Variants in FOCAD observed in about 807,000 individuals in gnomAD.
FOCAD encodes focadhesin.
A neutral mutation model predicts 225.6 loss-of-function variants in FOCAD; 198 were observed. The ratio of observed to expected loss-of-function variants is 0.88; its 90% confidence interval spans 0.78 to 0.99. The LOEUF (loss-of-function observed/expected upper bound fraction) is 0.99. Ranked by LOEUF, FOCAD falls within the 50% of genes least tolerant of loss-of-function variation. The pLI is 0.00. For synonymous variants in FOCAD, 897 were observed against 755.0 expected (o/e 1.19, Z -3.08); for missense variants, 2,713 against 2,123.6 (o/e 1.28, Z -5.46).
intron 15 of FOCAD, among the ~76,000 whole-genome samples, chr9:20,842,353 C>G (rs541383471): frequency 6.6e-6 from 1 of 151,904 alleles, no homozygotes; most frequent in South Asian, 2.1e-4. Flanking sequence ...ATGTCTGCAG[C>G]TATTATTGTC....
At chr9:20,964,458 T>C (rs988052051) in intron 35 of FOCAD, among the ~76,000 whole-genome samples, 4 of 152,128 alleles carry the variant, frequency 2.6e-5, no homozygotes, top group African/African-American at 9.7e-5. Flanking sequence ...GAACTCCCAG[T>C]ATTACATCTC....
At chr9:20,906,857 T>A (rs1390855256) in intron 21 of FOCAD, among the ~76,000 whole-genome samples, 1 of 152,092 alleles carries the variant, frequency 6.6e-6, no homozygotes, top group Non-Finnish European at 1.5e-5. Flanking sequence ...TCCCCCTAAT[T>A]TTCGAGGGTT....
chr9:20,725,193 A>T (rs947393837), intron 4 of FOCAD, among the ~76,000 whole-genome samples: 1 of 152,104 alleles, frequency 6.6e-6, no homozygotes, highest in African/African-American at 2.4e-5. Context: ...CACTCAATCA[A>T]TCAGTAAAAT....
intron 1 of FOCAD, among the ~76,000 whole-genome samples, chr9:20,694,970 G>A (rs1327550430): frequency 6.6e-6 from 1 of 152,106 alleles, no homozygotes; most frequent in Admixed American, 6.5e-5. Flanking sequence ...TGGTTACTAT[G>A]TCTGTTTAGT....
chr9:20,812,941 A>G (rs187171489), intron 11 of FOCAD, among the ~76,000 whole-genome samples: 1 of 152,046 alleles, frequency 6.6e-6, no homozygotes, highest in Non-Finnish European at 1.5e-5. Flanking sequence ...TAAGTATATG[A>G]ATATTTTTGT....
At chr9:20,740,025 TTGG>T (rs1827479132) in intron 4 of FOCAD, among the ~76,000 whole-genome samples, 2 of 152,156 alleles carry the variant, frequency 1.3e-5, no homozygotes, top group Admixed American at 1.3e-4. Flanking sequence ...GATTGATAAG[TTGG>T]TGGTTTGATT....
In FOCAD at chr9:20,924,721, T is replaced by G. The variant is rs74885064; in HGVS notation, c.2961+953T>G. Among the ~76,000 whole-genome samples the G allele has an allele frequency of 9.7e-4, 147 of 152,206 alleles. 1 individual carries two copies. The East Asian group carries it at 0.026, about 27-fold the overall frequency. The stretch of plus-strand genomic sequence containing the variant: ...ATTTAAACCAAAAAGGAACAGGAAG[T>G]ATATGGAATCTAGAAGCCCGTGGAA... On this transcript the variant is annotated intron_variant, in intron 25 of 43. Transcript: ENST00000338382.
At chr9:20,714,281 T>G (rs1208410200) in intron 1 of FOCAD, among the ~76,000 whole-genome samples, 2 of 152,212 alleles carry the variant, frequency 1.3e-5, no homozygotes, top group African/African-American at 2.4e-5. Context: ...TGTAACATTT[T>G]GAATTTTGTA....
chr9:20,685,196 A>ATTT (rs397959541), intron 1 of FOCAD, among the ~76,000 whole-genome samples: 3 of 143,116 alleles, frequency 2.1e-5, no homozygotes, highest in African/African-American at 7.9e-5. Flanking sequence ...TGAGTTGGAA[A>ATTT]TTTTTTTTTT....
chr9:20,729,621 A>G (rs1360373538), intron 4 of FOCAD, among the ~76,000 whole-genome samples: 1 of 152,170 alleles, frequency 6.6e-6, no homozygotes, highest in African/African-American at 2.4e-5. Flanking sequence ...AGGATCACTT[A>G]TACAGTAACC....
intron 42 of FOCAD, among the ~76,000 whole-genome samples, chr9:20,992,064 C>A (rs192542136): frequency 1.1e-4 from 17 of 152,278 alleles, no homozygotes; most frequent in Non-Finnish European, 1.6e-4. Context: ...TTTACTCTTT[C>A]TTCAATCTAG....
Position 20,744,701 on chromosome 9 carries a change from G to A in FOCAD, c.392+4361G>A, listed in dbSNP as rs139244552. Among the ~76,000 whole-genome samples, 1,076 of 152,248 alleles carry A rather than the reference G, an allele frequency of 7.1e-3. 10 individuals are homozygous for A. Among genetic ancestry groups the A allele is most frequent in the African/African-American group, 0.01 (431 of 41,544 alleles). On this transcript the variant is annotated intron_variant, in intron 5 of 43. Coordinates refer to ENST00000338382, the MANE Select transcript of FOCAD (RefSeq NM_001375567.1). ...AAAAGCTTCCCACGTGATTTCCAGC[G>A]TGCAGGTAAGGGTGGAGAACTGCTG...
chr9:20,957,701 T>C (rs1838326922), intron 35 of FOCAD: 1 of 124,720 alleles, frequency 8.0e-6, no homozygotes, highest in Non-Finnish European at 1.7e-5. Flanking sequence ...TTTTTTTTTT[T>C]TTAGTGGGGT....
At chr9:20,863,073 A>G (rs1828921594) in intron 16 of FOCAD, 1 of 158,184 alleles carries the variant, frequency 6.3e-6, no homozygotes, top group South Asian at 2.0e-4. Context: ...GGCAGGACAG[A>G]CTCTCCAAAC....
intron 8 of FOCAD, among the ~76,000 whole-genome samples, chr9:20,770,898 A>G (rs1227279480): frequency 6.6e-6 from 1 of 152,358 alleles, no homozygotes; most frequent in East Asian, 1.9e-4. Context: ...TGCAGAACAT[A>G]TAGTAATATG....
chr9:20,755,185 T>A (rs1828937934), intron 5 of FOCAD, among the ~76,000 whole-genome samples: 1 of 152,224 alleles, frequency 6.6e-6, no homozygotes, highest in South Asian at 2.1e-4. Flanking sequence ...ATATTGCCAC[T>A]CAGTTCTGAC....
chr9:20,744,727 G>A (rs2131692643), intron 5 of FOCAD, among the ~76,000 whole-genome samples: 1 of 152,248 alleles, frequency 6.6e-6, no homozygotes, highest in Middle Eastern at 3.4e-3. Context: ...AGAACTGCTG[G>A]CCAATTGTTG....
At chr9:20,905,414 A>G (rs1174434225) in intron 21 of FOCAD, among the ~76,000 whole-genome samples, 2 of 151,886 alleles carry the variant, frequency 1.3e-5, no homozygotes, top group African/African-American at 4.8e-5. Context: ...TTGTGAGACC[A>G]TTGTCTTCCT....
Position 20,789,431 on chromosome 9 carries a change from A to G in FOCAD, c.1278A>G (p.Thr426=). 1.2e-6 allele frequency: 2 copies of G among 1,614,056 alleles called. No individual in the cohort carries two copies. Among genetic ancestry groups the G allele is most frequent in the South Asian group, 2.2e-5 (2 of 91,078 alleles). ...FTAWRILEVM[T]DSSAASDWLA... is the part of the protein sequence containing the mutation. ...CCTGGAGGATTCTTGAAGTAATGACAGACTCGTCTGCTGCAAGTGACTGGT... is the reference window on the plus strand; with the variant it reads ...CCTGGAGGATTCTTGAAGTAATGACGGACTCGTCTGCTGCAAGTGACTGGT... Residue 426 remains threonine, a synonymous_variant, in exon 11 of 44, where the codon ACA becomes ACG. Transcript: ENST00000338382.
Sources: gnomAD v4.1 joint callset for allele counts (sites outside exome capture counted in the v4.1 genomes callset) on GRCh38, gnomAD v4.1.1 for gene constraint, MANE v1.5 for transcripts, NCBI Gene and HGNC (gene_info 2026-07-23, HGNC 2026-07-21) for gene names.